DIAPH2: variants seen among roughly 807,000 people sequenced by gnomAD.
DIAPH2 encodes diaphanous related formin 2.
In DIAPH2, 35 loss-of-function variants were observed where a neutral mutation model predicts 92.7. The ratio of observed to expected loss-of-function variants is 0.38; its 90% CI spans 0.29 to 0.50. The LOEUF (loss-of-function observed/expected upper bound fraction) is 0.50. Ranked by LOEUF, DIAPH2 falls within the 20% of genes least tolerant of loss-of-function variation. DIAPH2 has a pLI of 0.94. For missense variants in DIAPH2, 701 were observed against 819.5 expected, an observed-to-expected ratio of 0.86 and a Z score of 1.77; for synonymous variants, 301 against 280.4, an observed-to-expected ratio of 1.07 and a Z score of -0.73.
At chrX:97,156,347 G>T (rs947243361) in intron 22 of DIAPH2, among the ~76,000 whole-genome samples, 4 of 112,068 alleles carry the variant, frequency 3.6e-5, no homozygotes, top group African/African-American at 1.3e-4. Context: ...TTTTATGAAA[G>T]CAGCAAGGCA....
chrX:96,783,257 G>A (rs887749541), intron 4 of DIAPH2, among the ~76,000 whole-genome samples: 3 of 111,952 alleles, frequency 2.7e-5, no homozygotes, highest in Non-Finnish European at 5.6e-5. Flanking sequence ...AGAAGACTCT[G>A]GAATTACATT....
intron 26 of DIAPH2, among the ~76,000 whole-genome samples, chrX:97,527,534 T>C (rs1316281612): frequency 8.9e-6 from 1 of 112,277 alleles, no homozygotes; most frequent in East Asian, 2.8e-4. Flanking sequence ...TGTCAGTTGT[T>C]TGGAATCCAG....
intron 23 of DIAPH2, among the ~76,000 whole-genome samples, chrX:97,337,605 T>C (rs2069075485): frequency 9.0e-6 from 1 of 111,542 alleles, no homozygotes; most frequent in Non-Finnish European, 1.9e-5. Flanking sequence ...CCTTTATAAA[T>C]TACCCAGTCT....
At chrX:97,005,156 G>A (rs5921123) in intron 17 of DIAPH2, among the ~76,000 whole-genome samples, 43,941 of 110,484 alleles carry the variant, frequency 0.4, 6,612 homozygotes, top group South Asian at 0.55. Context: ...CCACTTGGTC[G>A]TGGTGAATGA....
chrX:96,710,922 TG>T (rs776925315), intron 1 of DIAPH2, among the ~76,000 whole-genome samples: 1 of 111,379 alleles, frequency 9.0e-6, no homozygotes, highest in Non-Finnish European at 1.9e-5. Context: ...CACTTATGAG[TG>T]AGAATAAATG....
At chrX:97,269,059 G>A (rs1400772050) in intron 23 of DIAPH2, among the ~76,000 whole-genome samples, 1 of 110,554 alleles carries the variant, frequency 9.0e-6, no homozygotes, top group Non-Finnish European at 1.9e-5. Flanking sequence ...GTTTCACCAT[G>A]TTGGTCAAGC....
At chrX:97,118,585 A>C (rs1463790851) in intron 21 of DIAPH2, among the ~76,000 whole-genome samples, 2 of 111,974 alleles carry the variant, frequency 1.8e-5, no homozygotes, top group Admixed American at 1.9e-4. Context: ...GAGAAGATAC[A>C]CAGAAACCTC....
intron 26 of DIAPH2, among the ~76,000 whole-genome samples, chrX:97,596,949 G>A (rs935880502): frequency 6.3e-5 from 7 of 111,070 alleles, no homozygotes; most frequent in African/African-American, 2.3e-4. Flanking sequence ...GTATATATAT[G>A]TATATATATT....
At chrX:97,247,058 A>G (rs766058712) in intron 22 of DIAPH2, among the ~76,000 whole-genome samples, 3 of 112,128 alleles carry the variant, frequency 2.7e-5, no homozygotes, top group Non-Finnish European at 3.8e-5. Flanking sequence ...TTAGTTGTCA[A>G]TGAGAGCAAA....
intron 26 of DIAPH2, among the ~76,000 whole-genome samples, chrX:97,518,036 C>G (rs1361523413): frequency 1.8e-5 from 2 of 111,945 alleles, no homozygotes; most frequent in Non-Finnish European, 3.8e-5. Context: ...TAGCGTTGGG[C>G]CAATTCCTGC....
chrX:97,408,251 A>G (rs991623587), intron 25 of DIAPH2, among the ~76,000 whole-genome samples: 1 of 111,448 alleles, frequency 9.0e-6, no homozygotes, highest in Non-Finnish European at 1.9e-5. Flanking sequence ...GGAAAGCTAT[A>G]TTTTCCCAGA....
At chrX:97,291,083 T>C in intron 23 of DIAPH2, among the ~76,000 whole-genome samples, 1 of 102,951 alleles carries the variant, frequency 9.7e-6, no homozygotes, top group East Asian at 3.1e-4. Context: ...AGAGCCAGGC[T>C]CTGTCAAAAA....
intron 23 of DIAPH2, among the ~76,000 whole-genome samples, chrX:97,257,870 C>A (rs1426510830): frequency 6.5e-5 from 7 of 107,449 alleles, no homozygotes; most frequent in African/African-American, 2.4e-4. Context: ...ATAGAATAAC[C>A]ATTTAAAATT....
chrX:96,891,584 C>T (rs983759039), intron 5 of DIAPH2, among the ~76,000 whole-genome samples: 3 of 112,065 alleles, frequency 2.7e-5, no homozygotes, highest in African/African-American at 9.7e-5. Flanking sequence ...TTTGGCAATA[C>T]ATTTTATGAA....
chrX:97,535,829 C>CA (rs1162673789), intron 26 of DIAPH2, among the ~76,000 whole-genome samples: 1 of 112,048 alleles, frequency 8.9e-6, no homozygotes, highest in East Asian at 2.8e-4. Context: ...TTTTAAATAA[C>CA]AAAGTATACA....
At chrX:97,515,111 C>T (rs1602641830) in intron 26 of DIAPH2, among the ~76,000 whole-genome samples, 1 of 112,157 alleles carries the variant, frequency 8.9e-6, no homozygotes, top group East Asian at 2.8e-4. Context: ...CCCCCAGCCT[C>T]GCTGCTGCCT....
At chrX:97,417,397 C>T (rs761555464) in intron 25 of DIAPH2, among the ~76,000 whole-genome samples, 1 of 107,158 alleles carries the variant, frequency 9.3e-6, no homozygotes, top group Admixed American at 9.8e-5. Context: ...CACACACACA[C>T]ATACACACAC....
intron 24 of DIAPH2, among the ~76,000 whole-genome samples, chrX:97,367,370 A>G (rs756811074): frequency 8.9e-6 from 1 of 112,031 alleles, no homozygotes; most frequent in African/African-American, 3.2e-5. Flanking sequence ...TCATCTACAG[A>G]TGGAATGGCT....
intron 26 of DIAPH2, among the ~76,000 whole-genome samples, chrX:97,480,069 G>A (rs2070640486): frequency 8.9e-6 from 1 of 111,850 alleles, no homozygotes; most frequent in African/African-American, 3.3e-5. Context: ...GTATGTTTAA[G>A]TCCTAATCCC....
Sources: allele counts gnomAD v4.1 joint callset (sites outside exome capture counted in the v4.1 genomes callset), GRCh38; gene constraint gnomAD v4.1.1; transcripts MANE v1.5; gene names NCBI Gene and HGNC (gene_info 2026-07-23, HGNC 2026-07-21).